Variants in LHFPL3 observed in about 807,000 individuals in gnomAD.
The protein encoded by LHFPL3 is LHFPL tetraspan subfamily member 3, also known as LHFPL tetraspan subfamily member 3 protein.
In LHFPL3, 5 loss-of-function variants were observed where a neutral mutation model predicts 19.3. That is an observed-to-expected ratio of 0.26 (90% CI 0.14 to 0.54). The LOEUF (loss-of-function observed/expected upper bound fraction) is 0.54. Among genes scored for constraint, LHFPL3 ranks in the 20% least tolerant of loss-of-function variants. The pLI, the probability that LHFPL3 is intolerant of heterozygous loss-of-function variation, is 0.94. For missense variants in LHFPL3, 249 were observed against 307.4 expected, an observed-to-expected ratio of 0.81 and a Z score of 1.42; for synonymous variants, 133 against 126.2, an observed-to-expected ratio of 1.05 and a Z score of -0.36.
intron 2 of LHFPL3, among the ~76,000 whole-genome samples, chr7:104,765,985 A>G (rs575323368): frequency 1.6e-4 from 24 of 152,180 alleles, no homozygotes; most frequent in Non-Finnish European, 2.9e-5. Flanking sequence ...AAACTTCACC[A>G]TGTTCTTCCC....
chr7:104,398,552 A>G lies in LHFPL3; in HGVS notation c.445+69328A>G, dbSNP rs138621044. On this transcript the variant is annotated intron_variant, in intron 1 of 2. Coordinates refer to ENST00000424859, the MANE Select transcript of LHFPL3 (RefSeq NM_199000.3). ...TAACATTGTTGATGCTTTATAGTAT[A>G]TAAAGCATTTCCACATGTATTGTCT... 3.7e-3 allele frequency among the ~76,000 whole-genome samples: 561 copies of G among 152,330 alleles called. 2 individuals carry two copies. Among genetic ancestry groups the G allele is most frequent in the Non-Finnish European group, 5.9e-3 (402 of 68,032 alleles).
chr7:104,388,714 A>G lies in LHFPL3; in HGVS notation c.445+59490A>G, dbSNP rs576143289. On this transcript the variant is annotated intron_variant, in intron 1 of 2. Transcript: ENST00000424859. ...TGAACAAGTGGCACTTATCCCAGAT[A>G]TAAGTTTGCTTGACATCTGAAAGTC... Among the ~76,000 whole-genome samples the G allele has an allele frequency of 2.6e-3, 395 of 152,302 alleles. 2 individuals carry two copies. The highest frequency in any genetic ancestry group is 8.5e-3 in the African/African-American group (352 of 41,584).
chr7:104,606,272 C>T (rs9640682), intron 1 of LHFPL3, among the ~76,000 whole-genome samples: 29,402 of 152,180 alleles, frequency 0.19, 3,334 homozygotes, highest in South Asian at 0.4. Context: ...GTGCTCCACT[C>T]TTTGACAGAG....
chr7:104,718,810 A>C (rs1422449252), intron 1 of LHFPL3, among the ~76,000 whole-genome samples: 1 of 152,224 alleles, frequency 6.6e-6, no homozygotes, highest in East Asian at 1.9e-4. Flanking sequence ...TGTTTTACAA[A>C]TAAAGTAACT....
intron 1 of LHFPL3, among the ~76,000 whole-genome samples, chr7:104,455,684 G>C (rs766678196): frequency 2.0e-5 from 3 of 152,122 alleles, no homozygotes; most frequent in African/African-American, 4.8e-5. Context: ...TCATGCCACT[G>C]TACTCCCACT....
intron 1 of LHFPL3, among the ~76,000 whole-genome samples, chr7:104,375,112 G>C (rs1166915982): frequency 6.6e-6 from 1 of 152,206 alleles, no homozygotes; most frequent in East Asian, 1.9e-4. Context: ...GCCAAGGCGG[G>C]CGGATCACTT....
chr7:104,888,348 T>C (rs1489250144), intron 2 of LHFPL3, among the ~76,000 whole-genome samples: 3 of 152,066 alleles, frequency 2.0e-5, no homozygotes, highest in Non-Finnish European at 4.4e-5. Context: ...CTGGACAATA[T>C]AGCAAGACCC....
At chr7:104,512,475 G>T (rs1483852186) in intron 1 of LHFPL3, among the ~76,000 whole-genome samples, 1 of 151,502 alleles carries the variant, frequency 6.6e-6, no homozygotes, top group Non-Finnish European at 1.5e-5. Context: ...GGTGGCTCAT[G>T]CCTGTAATCC....
At chr7:104,763,401 T>C (rs1042504338) in intron 2 of LHFPL3, among the ~76,000 whole-genome samples, 1 of 152,232 alleles carries the variant, frequency 6.6e-6, no homozygotes, top group Non-Finnish European at 1.5e-5. Flanking sequence ...CAGGACTTGA[T>C]TTCAGAAGAA....
chr7:104,791,018 A>G (rs1369971633), intron 2 of LHFPL3, among the ~76,000 whole-genome samples: 1 of 152,242 alleles, frequency 6.6e-6, no homozygotes, highest in African/African-American at 2.4e-5. Flanking sequence ...ATCTTCCACA[A>G]ACTTTAGTCT....
At chr7:104,842,184 T>TAA (rs11429366) in intron 2 of LHFPL3, among the ~76,000 whole-genome samples, 5,252 of 141,336 alleles carry the variant, frequency 0.037, 254 homozygotes, top group African/African-American at 0.11. Context: ...CACAATCCTT[T>TAA]AAAAAAAAAA....
intron 1 of LHFPL3, among the ~76,000 whole-genome samples, chr7:104,509,990 A>G (rs1387644319): frequency 2.0e-5 from 3 of 152,136 alleles, no homozygotes; most frequent in African/African-American, 7.2e-5. Context: ...ATTTATAATG[A>G]CTAAATAGAA....
chr7:104,524,720 A>G (rs1794151799), intron 1 of LHFPL3, among the ~76,000 whole-genome samples: 1 of 152,196 alleles, frequency 6.6e-6, no homozygotes. Flanking sequence ...TTTTGAATAA[A>G]GACCAGGAAA....
intron 1 of LHFPL3, among the ~76,000 whole-genome samples, chr7:104,376,745 C>A (rs990912887): frequency 1.3e-5 from 2 of 152,140 alleles, no homozygotes; most frequent in African/African-American, 4.8e-5. Context: ...TGGGAGCAAG[C>A]CTTGGCGACA....
chr7:104,548,479 C>G (rs1416216005), intron 1 of LHFPL3, among the ~76,000 whole-genome samples: 1 of 152,010 alleles, frequency 6.6e-6, no homozygotes, highest in East Asian at 1.9e-4. Flanking sequence ...CCACGTCTTG[C>G]AAGGAAATTA....
At chr7:104,643,668 T>G (rs1277812669) in intron 1 of LHFPL3, among the ~76,000 whole-genome samples, 2 of 152,308 alleles carry the variant, frequency 1.3e-5, no homozygotes, top group African/African-American at 2.4e-5. Context: ...AAATAAATTA[T>G]TTGGTCTGAG....
intron 1 of LHFPL3, among the ~76,000 whole-genome samples, chr7:104,661,219 G>A (rs190475464): frequency 2.0e-5 from 3 of 152,304 alleles, no homozygotes; most frequent in Admixed American, 6.5e-5. Context: ...ATATATGGAT[G>A]TAAACTACAC....
At chr7:104,479,530 TAC>T (rs1373890121) in intron 1 of LHFPL3, among the ~76,000 whole-genome samples, 2 of 152,124 alleles carry the variant, frequency 1.3e-5, no homozygotes, top group Non-Finnish European at 2.9e-5. Flanking sequence ...TAGCTGGGAT[TAC>T]AGGTGCCCAC....
chr7:104,611,740 G>T (rs1019246269), intron 1 of LHFPL3, among the ~76,000 whole-genome samples: 2 of 152,086 alleles, frequency 1.3e-5, no homozygotes, highest in African/African-American at 4.8e-5. Flanking sequence ...CTAAAAAAGG[G>T]GGGGAGGAAT....
Sources: allele counts gnomAD v4.1 joint callset (sites outside exome capture counted in the v4.1 genomes callset), GRCh38; gene constraint gnomAD v4.1.1; transcripts MANE v1.5; gene names NCBI Gene and HGNC (gene_info 2026-07-23, HGNC 2026-07-21).